Variants in HORMAD2 observed in about 807,000 individuals in gnomAD.
HORMAD2 encodes HORMA domain containing 2, also known as HORMA domain-containing protein 2.
HORMAD2 carries 45 observed loss-of-function variants against 38.8 expected under a neutral mutation model. That is an observed-to-expected ratio of 1.16 (90% CI 0.91 to 1.49). HORMAD2 has a LOEUF of 1.49. Among genes scored for constraint, HORMAD2 ranks in the 40% most tolerant of loss-of-function variants. The pLI, the probability that HORMAD2 is intolerant of heterozygous loss-of-function variation, is 0.00. For missense variants in HORMAD2, 338 were observed against 367.0 expected, an observed-to-expected ratio of 0.92 and a Z score of 0.65; for synonymous variants, 126 against 122.8, an observed-to-expected ratio of 1.03 and a Z score of -0.17.
chr22:30,128,561 T>C (rs1276130447), intron 10 of HORMAD2, among the ~76,000 whole-genome samples: 2 of 152,202 alleles, frequency 1.3e-5, no homozygotes, highest in East Asian at 3.8e-4. Context: ...CATGAAAGCA[T>C]TTAAAAAATT....
chr22:30,119,114 GC>G, intron 8 of HORMAD2, 67 bp downstream of exon 8: 1 of 1,070,448 alleles, frequency 9.3e-7, no homozygotes, highest in Non-Finnish European at 1.4e-6. Flanking sequence ...GCTTCTTGAG[GC>G]CAGAGAAAGG....
intron 10 of HORMAD2, among the ~76,000 whole-genome samples, chr22:30,139,967 G>GTGTT (rs1194597446): frequency 2.6e-5 from 4 of 152,144 alleles, no homozygotes; most frequent in African/African-American, 9.7e-5. Context: ...GTGTGTGTGT[G>GTGTT]TGTGTGTATT....
At chr22:30,104,267 T>G (rs891932584) in intron 4 of HORMAD2, 134 bp from the exon 5 acceptor site, 4 of 705,020 alleles carry the variant, frequency 5.7e-6, no homozygotes, top group Non-Finnish European at 9.9e-6. Flanking sequence ...TTTAAAAAAA[T>G]GATTAAATGG....
At chr22:30,127,530 A>G (rs1239132082) in intron 10 of HORMAD2, among the ~76,000 whole-genome samples, 1 of 152,080 alleles carries the variant, frequency 6.6e-6, no homozygotes, top group African/African-American at 2.4e-5. Context: ...TGTTTTAGAG[A>G]TAGGATTTCT....
chr22:30,099,208 T>C (rs543326404), intron 3 of HORMAD2, among the ~76,000 whole-genome samples: 3 of 152,316 alleles, frequency 2.0e-5, no homozygotes, highest in East Asian at 3.9e-4. Flanking sequence ...AGGTGACAGA[T>C]GGAAGAAAAA....
chr22:30,144,684 C>T (rs1213865439), intron 10 of HORMAD2, among the ~76,000 whole-genome samples: 4 of 151,252 alleles, frequency 2.6e-5, no homozygotes, highest in Non-Finnish European at 4.4e-5. Context: ...CATAGAACCA[C>T]GACCTTACAA....
At chr22:30,082,795 CAAAA>C (rs200117496) in intron 1 of HORMAD2, among the ~76,000 whole-genome samples, 1 of 86,358 alleles carries the variant, frequency 1.2e-5, no homozygotes, top group African/African-American at 4.1e-5. Context: ...TACTCTGTCT[CAAAA>C]AAAAAAAAAA....
intron 10 of HORMAD2, among the ~76,000 whole-genome samples, chr22:30,160,794 G>C (rs1925395765): frequency 6.6e-6 from 1 of 152,146 alleles, no homozygotes; most frequent in African/African-American, 2.4e-5. Flanking sequence ...ACAACAAAGT[G>C]TTTGAATATA....
chr22:30,120,659 T>C (rs942810761), intron 8 of HORMAD2, among the ~76,000 whole-genome samples: 65 of 152,206 alleles, frequency 4.3e-4, no homozygotes. Flanking sequence ...GTTGATTGAA[T>C]AGCTGGGCAC....
At chr22:30,132,649 T>C (rs578158043) in intron 10 of HORMAD2, among the ~76,000 whole-genome samples, 4 of 152,334 alleles carry the variant, frequency 2.6e-5, no homozygotes, top group African/African-American at 9.6e-5. Context: ...AGAAAATTAT[T>C]TCCAATTAAT....
At chr22:30,119,805 T>G (rs1569096436) in intron 8 of HORMAD2, among the ~76,000 whole-genome samples, 1 of 152,170 alleles carries the variant, frequency 6.6e-6, no homozygotes, top group Non-Finnish European at 1.5e-5. Context: ...ATTTTCAATT[T>G]TCCCTACTAT....
At chr22:30,118,174 A>G (rs1363723351) in intron 7 of HORMAD2, among the ~76,000 whole-genome samples, 2 of 151,958 alleles carry the variant, frequency 1.3e-5, no homozygotes, top group Non-Finnish European at 2.9e-5. Flanking sequence ...TGAAATCCAA[A>G]CCCCTTACCA....
At chr22:30,088,169 G>A (rs967741451) in intron 1 of HORMAD2, among the ~76,000 whole-genome samples, 29 of 140,862 alleles carry the variant, frequency 2.1e-4, no homozygotes, top group Non-Finnish European at 7.8e-5. Flanking sequence ...GTATACCTAT[G>A]TATACATATA....
intron 7 of HORMAD2, among the ~76,000 whole-genome samples, chr22:30,114,141 G>A (rs1008565286): frequency 5.9e-5 from 9 of 152,234 alleles, no homozygotes; most frequent in Middle Eastern, 3.4e-3. Context: ...AAGAAATGCA[G>A]GCATATATAA....
intron 1 of HORMAD2, among the ~76,000 whole-genome samples, chr22:30,084,916 C>T (rs190646331): frequency 1.4e-4 from 22 of 152,022 alleles, no homozygotes; most frequent in Non-Finnish European, 2.1e-4. Context: ...GAGGCCGAGG[C>T]GGGCGGATCA....
intron 6 of HORMAD2, 76 bp downstream of exon 6, chr22:30,111,892 G>A (rs1921690437): frequency 2.7e-6 from 3 of 1,113,708 alleles, no homozygotes; most frequent in South Asian, 3.2e-5. Context: ...CATTAAAACA[G>A]TACTCTCCCT....
At chr22:30,143,010 A>C (rs940931309) in intron 10 of HORMAD2, among the ~76,000 whole-genome samples, 3 of 152,106 alleles carry the variant, frequency 2.0e-5, no homozygotes, top group Non-Finnish European at 4.4e-5. Flanking sequence ...GTACAAGATC[A>C]ACAATTATTG....
chr22:30,084,563 A>C (rs1569077771), intron 1 of HORMAD2, among the ~76,000 whole-genome samples: 1 of 152,106 alleles, frequency 6.6e-6, no homozygotes. Flanking sequence ...TAGACTCTTA[A>C]TTATTCCTTG....
chr22:30,096,542 A>G (rs1381851154), intron 2 of HORMAD2, among the ~76,000 whole-genome samples: 1 of 151,078 alleles, frequency 6.6e-6, no homozygotes, highest in Non-Finnish European at 1.5e-5. Context: ...ACCTTGGCTC[A>G]CTGTGATCTC....
Sources: allele counts gnomAD v4.1 joint callset (sites outside exome capture counted in the v4.1 genomes callset), GRCh38; gene constraint gnomAD v4.1.1; transcripts MANE v1.5; gene names NCBI Gene and HGNC (gene_info 2026-07-23, HGNC 2026-07-21).